Variants in CDH13 observed in about 807,000 individuals in gnomAD.
The protein encoded by CDH13 is cadherin-13.
CDH13 carries 24 observed loss-of-function variants against 63.8 expected under a neutral mutation model. The observed-to-expected ratio is 0.38, with a 90% CI of 0.27 to 0.53. The LOEUF (loss-of-function observed/expected upper bound fraction) is 0.53. Ranked by LOEUF, CDH13 falls within the 20% of genes least tolerant of loss-of-function variation. CDH13 has a pLI of 0.85. For synonymous variants in CDH13, 503 were observed against 355.3 expected (o/e 1.42, Z -4.67); for missense variants, 1,049 against 903.1 (o/e 1.16, Z -2.07).
chr16:82,742,064 G>C (rs954320093), intron 1 of CDH13, among the ~76,000 whole-genome samples: 2 of 152,212 alleles, frequency 1.3e-5, no homozygotes, highest in East Asian at 1.9e-4. Flanking sequence ...ATAAAATCAT[G>C]GTGTAGATAT....
chr16:82,914,868 G>A (rs9922544), intron 2 of CDH13, among the ~76,000 whole-genome samples: 3,337 of 152,302 alleles, frequency 0.022, 114 homozygotes, highest in African/African-American at 0.076. Context: ...ATTTATAACA[G>A]CATTAAATCC....
chr16:83,566,096 C>G (rs1904278055), intron 7 of CDH13, among the ~76,000 whole-genome samples: 1 of 152,292 alleles, frequency 6.6e-6, no homozygotes, highest in Middle Eastern at 3.4e-3. Context: ...GAAGTTGCCA[C>G]CTGCTCAGAT....
intron 1 of CDH13, among the ~76,000 whole-genome samples, chr16:82,807,483 A>T (rs781386647): frequency 6.6e-6 from 1 of 152,158 alleles, no homozygotes; most frequent in Non-Finnish European, 1.5e-5. Flanking sequence ...GAGGTTCACA[A>T]TTCCCAACTG....
intron 6 of CDH13, among the ~76,000 whole-genome samples, chr16:83,352,007 G>A (rs980948538): frequency 6.6e-6 from 1 of 152,182 alleles, no homozygotes; most frequent in Non-Finnish European, 1.5e-5. Context: ...GGATATTGTG[G>A]TGGAGGCAGA....
intron 3 of CDH13, among the ~76,000 whole-genome samples, chr16:83,032,502 C>A (rs924611858): frequency 1.3e-5 from 2 of 152,118 alleles, no homozygotes; most frequent in African/African-American, 2.4e-5. Context: ...GCTTTAATCC[C>A]TGTGCATCTC....
At chr16:83,763,024 C>T (rs1914100461) in intron 11 of CDH13, among the ~76,000 whole-genome samples, 2 of 152,140 alleles carry the variant, frequency 1.3e-5, no homozygotes, top group Non-Finnish European at 1.5e-5. Context: ...CTCTACGGGG[C>T]CCGTATTAAG....
chr16:83,429,036 A>G (rs926485052), intron 6 of CDH13, among the ~76,000 whole-genome samples: 1 of 152,234 alleles, frequency 6.6e-6, no homozygotes, highest in Non-Finnish European at 1.5e-5. Flanking sequence ...TCTTGTCTTG[A>G]TAAGACAGTT....
chr16:82,728,979 C>T (rs984903165), intron 1 of CDH13, among the ~76,000 whole-genome samples: 3 of 152,156 alleles, frequency 2.0e-5, no homozygotes, highest in African/African-American at 7.2e-5. Context: ...TTTCTTGGCT[C>T]ATCTATAAGA....
chr16:83,134,574 AGAGAGAGAGAGAGAGAGAGTGAGT>A (rs1164567423), intron 4 of CDH13, among the ~76,000 whole-genome samples: 25 of 121,050 alleles, frequency 2.1e-4, no homozygotes, highest in African/African-American at 5.7e-4. Flanking sequence ...AGAGAGAGAG[AGAGAGAGAGAGAGAGAGAGTGAGT>A]TACATGACTG....
At chr16:82,809,960 A>G (rs2037359855) in intron 1 of CDH13, among the ~76,000 whole-genome samples, 2 of 152,166 alleles carry the variant, frequency 1.3e-5, no homozygotes, top group South Asian at 4.1e-4. Context: ...CTTTTAAAAC[A>G]TGTCAGTTCA....
At chr16:83,450,869 C>G (rs1243953667) in intron 6 of CDH13, among the ~76,000 whole-genome samples, 1 of 151,554 alleles carries the variant, frequency 6.6e-6, no homozygotes, top group Admixed American at 6.6e-5. Flanking sequence ...GACTCTGTCT[C>G]ACAGAGAAAA....
At chr16:82,688,755 A>C (rs972785428) in intron 1 of CDH13, among the ~76,000 whole-genome samples, 4 of 152,180 alleles carry the variant, frequency 2.6e-5, no homozygotes, top group Admixed American at 2.0e-4. Context: ...ATTTGTTGTT[A>C]TTGTTATTTA....
intron 1 of CDH13, among the ~76,000 whole-genome samples, chr16:82,636,279 G>A (rs906354351): frequency 2.6e-5 from 4 of 152,022 alleles, no homozygotes; most frequent in Non-Finnish European, 4.4e-5. Context: ...GTCGGTCTGA[G>A]GGCTTCTCTA....
chr16:83,701,835 C>G (rs544872990), intron 10 of CDH13, among the ~76,000 whole-genome samples: 1 of 152,322 alleles, frequency 6.6e-6, no homozygotes, highest in East Asian at 1.9e-4. Flanking sequence ...TCTGCCCTCT[C>G]TCCCTCCAAA....
intron 3 of CDH13, among the ~76,000 whole-genome samples, chr16:83,119,090 G>C (rs548977440): frequency 5.3e-5 from 8 of 152,156 alleles, no homozygotes; most frequent in Admixed American, 3.3e-4. Context: ...ATCTGTTCAT[G>C]GTCAAGCCTA....
At chr16:83,299,636 C>T (rs950845318) in intron 5 of CDH13, among the ~76,000 whole-genome samples, 3 of 152,176 alleles carry the variant, frequency 2.0e-5, no homozygotes, top group African/African-American at 7.2e-5. Context: ...TTTGTTAAAG[C>T]ATCTCTTAAC....
At chr16:82,978,322 G>A (rs760151082) in intron 2 of CDH13, among the ~76,000 whole-genome samples, 4 of 152,364 alleles carry the variant, frequency 2.6e-5, no homozygotes, top group Non-Finnish European at 4.4e-5. Flanking sequence ...ATTCAAGGCT[G>A]TTGCAGAAAT....
chr16:83,679,399 C>T (rs569331101), intron 10 of CDH13, among the ~76,000 whole-genome samples: 11 of 152,190 alleles, frequency 7.2e-5, no homozygotes, highest in South Asian at 2.1e-4. Context: ...ACACTTAAAA[C>T]GAACATGTGT....
At chr16:83,040,678 A>G (rs751425645) in intron 3 of CDH13, among the ~76,000 whole-genome samples, 3 of 152,144 alleles carry the variant, frequency 2.0e-5, no homozygotes, top group Non-Finnish European at 4.4e-5. Flanking sequence ...CTCACATGTT[A>G]ATATCCTTTG....
Sources: gnomAD v4.1 joint callset for allele counts (sites outside exome capture counted in the v4.1 genomes callset) on GRCh38, gnomAD v4.1.1 for gene constraint, MANE v1.5 for transcripts, NCBI Gene and HGNC (gene_info 2026-07-23, HGNC 2026-07-21) for gene names.